Variants in SPOCK1 observed in about 807,000 individuals in gnomAD.
SPOCK1 encodes testican-1.
Under a neutral mutation model 55.3 loss-of-function variants are expected in SPOCK1, and 23 were observed. That is an observed-to-expected ratio of 0.42 (90% confidence interval 0.30 to 0.59). The LOEUF is 0.59. Among genes scored for constraint, SPOCK1 ranks in the 20% least tolerant of loss-of-function variants. The pLI is 0.22. For missense variants in SPOCK1, 499 were observed against 552.5 expected, an observed-to-expected ratio of 0.90 and a Z score of 0.97; for synonymous variants, 226 against 221.0, an observed-to-expected ratio of 1.02 and a Z score of -0.20.
chr5:137,459,841 C>A (rs1561541453), intron 2 of SPOCK1, among the ~76,000 whole-genome samples: 1 of 152,026 alleles, frequency 6.6e-6, no homozygotes, highest in African/African-American at 2.4e-5. Flanking sequence ...TGAATTAAAG[C>A]AACTGGGGAA....
At position 137,068,791 on chromosome 5, in the gene SPOCK1, G is replaced by A. The variant is rs186405462; in HGVS notation, c.475-962C>T. ...AGACATCCCATACTGAACTGTGTGT[G>A]GCTAATTATGCAACTTTGCTATTGG... On this transcript the variant is annotated intron_variant, in intron 5 of 10. Transcript: ENST00000394945. 4.6e-5 allele frequency among the ~76,000 whole-genome samples: 7 copies of A among 152,290 alleles called. No individual in the cohort carries two copies. In the East Asian group the frequency reaches 1.4e-3, roughly 29 times the overall value.
chr5:137,220,572 A>G (rs748097568), intron 3 of SPOCK1, among the ~76,000 whole-genome samples: 5 of 152,224 alleles, frequency 3.3e-5, no homozygotes, highest in Non-Finnish European at 5.9e-5. Context: ...CACATCACCC[A>G]GGTCTGACTC....
intron 6 of SPOCK1, chr5:136,992,870 C>T (rs1297925783): frequency 1.5e-5 from 5 of 329,616 alleles, no homozygotes; most frequent in South Asian, 9.6e-5. Flanking sequence ...GTGGTCTCAC[C>T]GTTGTGTAGC....
At chr5:137,079,039 C>T (rs542174286) in intron 5 of SPOCK1, among the ~76,000 whole-genome samples, 4 of 152,324 alleles carry the variant, frequency 2.6e-5, no homozygotes, top group South Asian at 2.1e-4. Context: ...CTTACTCCCC[C>T]TCGGTCTCCT....
rs1207110197 is a variant in SPOCK1 at position 137,364,775 on chromosome 5, G to A, written c.187-97720C>T. 2.6e-5 allele frequency among the ~76,000 whole-genome samples: 4 copies of A among 152,220 alleles called. No homozygotes were observed. The East Asian group carries it at 7.7e-4, about 29-fold the overall frequency. On this transcript the variant is annotated intron_variant, in intron 2 of 10. Coordinates refer to ENST00000394945, the MANE Select transcript of SPOCK1 (RefSeq NM_004598.4). ...ATACCAAGGATAGAGCAGGATTTAA[G>A]AGCCAAGACTTGGAATTAGCCAAAG...
intron 3 of SPOCK1, among the ~76,000 whole-genome samples, chr5:137,184,688 C>T (rs1245533714): frequency 6.6e-6 from 1 of 152,164 alleles, no homozygotes; most frequent in African/African-American, 2.4e-5. Flanking sequence ...GGATGGAAGG[C>T]ACAGAGCACA....
chr5:137,248,352 T>C (rs1756438899), intron 3 of SPOCK1, among the ~76,000 whole-genome samples: 1 of 152,290 alleles, frequency 6.6e-6, no homozygotes, highest in Middle Eastern at 3.4e-3. Context: ...TAGTCAACAT[T>C]TGTTGAGCAC....
chr5:137,020,943 C>T (rs554973066), intron 6 of SPOCK1, among the ~76,000 whole-genome samples: 2 of 152,168 alleles, frequency 1.3e-5, no homozygotes, highest in South Asian at 4.1e-4. Context: ...CTTTCATGCA[C>T]TCATGGTAGA....
intron 2 of SPOCK1, among the ~76,000 whole-genome samples, chr5:137,484,744 T>C (rs1742774527): frequency 6.6e-6 from 1 of 152,142 alleles, no homozygotes; most frequent in Non-Finnish European, 1.5e-5. Flanking sequence ...CCAAAAATAT[T>C]CGTCACACAA....
intron 2 of SPOCK1, among the ~76,000 whole-genome samples, chr5:137,404,780 C>T (rs2127185882): frequency 6.6e-6 from 1 of 152,192 alleles, no homozygotes; most frequent in African/African-American, 2.4e-5. Context: ...AGAGTTAACC[C>T]ATGGGTTTGT....
intron 3 of SPOCK1, among the ~76,000 whole-genome samples, chr5:137,171,680 G>A (rs2127058733): frequency 1.3e-5 from 2 of 152,210 alleles, no homozygotes; most frequent in Admixed American, 1.3e-4. Flanking sequence ...AAAGACAAGA[G>A]AGGAAAACCT....
At chr5:137,462,214 T>C (rs979116179) in intron 2 of SPOCK1, among the ~76,000 whole-genome samples, 2 of 152,194 alleles carry the variant, frequency 1.3e-5, no homozygotes, top group Non-Finnish European at 1.5e-5. Flanking sequence ...CTTTTATTTT[T>C]CACTGATAGA....
chr5:137,390,003 G>A (rs1431691994), intron 2 of SPOCK1, among the ~76,000 whole-genome samples: 1 of 152,064 alleles, frequency 6.6e-6, no homozygotes, highest in Non-Finnish European at 1.5e-5. Context: ...GGGTGAGGGA[G>A]GATCTCTACC....
chr5:137,496,385 T>A (rs1754300018), intron 2 of SPOCK1, among the ~76,000 whole-genome samples: 2 of 152,188 alleles, frequency 1.3e-5, no homozygotes, highest in Admixed American at 1.3e-4. Context: ...ATTCAGAATA[T>A]CATGCTTATG....
chr5:137,120,881 C>G (rs1753671777), intron 4 of SPOCK1, among the ~76,000 whole-genome samples: 1 of 152,206 alleles, frequency 6.6e-6, no homozygotes, highest in South Asian at 2.1e-4. Context: ...AGAGAAAGAT[C>G]TCCCAAGTGC....
intron 5 of SPOCK1, among the ~76,000 whole-genome samples, chr5:137,093,403 A>G (rs1341905866): frequency 1.3e-5 from 2 of 152,206 alleles, no homozygotes; most frequent in Non-Finnish European, 2.9e-5. Flanking sequence ...TAGCACTTTA[A>G]TCATTTAATT....
At chr5:137,023,116 G>C (rs1751605857) in intron 6 of SPOCK1, among the ~76,000 whole-genome samples, 1 of 152,120 alleles carries the variant, frequency 6.6e-6, no homozygotes, top group African/African-American at 2.4e-5. Flanking sequence ...GGGACAACTT[G>C]TATGCTTTCT....
intron 2 of SPOCK1, among the ~76,000 whole-genome samples, chr5:137,403,467 T>A (rs1435984349): frequency 1.3e-5 from 2 of 152,136 alleles, no homozygotes. Context: ...AAATTCACAT[T>A]CTAGCAGACA....
At position 137,231,508 on chromosome 5, in the gene SPOCK1, C is replaced by T. The variant is rs540062811; in HGVS notation, c.232+35502G>A. Among the ~76,000 whole-genome samples, 12 of 152,296 alleles carry T rather than the reference C, an allele frequency of 7.9e-5. No individual in the cohort carries two copies. The South Asian group carries it at 2.1e-3, about 26-fold the overall frequency. ...TACAGTCTAACATTTTGGGGACTGA[C>T]TTTTTTCACTCAGCAAAATTTCCTG... On this transcript the variant is annotated intron_variant, in intron 3 of 10. Transcript: ENST00000394945.
Sources: allele counts gnomAD v4.1 joint callset (sites outside exome capture counted in the v4.1 genomes callset), GRCh38; gene constraint gnomAD v4.1.1; transcripts MANE v1.5; gene names NCBI Gene and HGNC (gene_info 2026-07-23, HGNC 2026-07-21).